The following FHIP1B variants were observed in gnomAD, a reference collection of about 807,000 sequenced individuals.
FHIP1B encodes FHF complex subunit HOOK interacting protein 1B, also known as FHF complex subunit HOOK-interacting protein 1B.
FHIP1B carries 28 observed loss-of-function variants against 82.2 expected under a neutral mutation model. The ratio of observed to expected loss-of-function variants is 0.34; its 90% CI spans 0.25 to 0.47. The LOEUF (loss-of-function observed/expected upper bound fraction) is 0.47. Ranked by LOEUF, FHIP1B falls within the 20% of genes least tolerant of loss-of-function variation. FHIP1B has a pLI of 1.00. For missense variants in FHIP1B, 1,110 were observed against 1,262.6 expected, an observed-to-expected ratio of 0.88 and a Z score of 1.83; for synonymous variants, 585 against 516.1, an observed-to-expected ratio of 1.13 and a Z score of -1.81.
rs751226810 is a variant in FHIP1B at position 6,224,144 on chromosome 11, T to G, written c.243A>C (p.Ala81=). ...GGGCCGAGGGAACTGCACGGTCCTC[T>G]GCCAGCAGTGTCAACATCTGGTAAG... The part of the protein sequence containing the change: ...NHTYQMLTLL[A]EDRAVPSAPT... Residue 81 remains alanine (A), a synonymous_variant, in exon 3 of 12, where the codon GCA becomes GCC. Transcript: ENST00000449352. The G allele has an allele frequency of 6.2e-7, 1 of 1,613,900 alleles. No individual in the cohort carries two copies. The highest frequency in any genetic ancestry group is 1.3e-5 in the African/African-American group (1 of 74,892).
At position 6,214,378 on chromosome 11, in the gene FHIP1B, G is replaced by A. The variant is rs764347392; in HGVS notation, c.2557+33C>T. 5 of 1,570,754 alleles carry A rather than the reference G, an allele frequency of 3.2e-6. No individual in the cohort carries two copies. In the Admixed American group the frequency reaches 5.5e-5, roughly 17 times the overall value. ...CCTGGGTTAATAGGCTATCTAGGGA[G>A]GGCAGGTACGGGTGTGGTGGGATAG... On this transcript the variant is annotated intron_variant, in intron 11 of 11. Transcript: ENST00000449352.
chr11:6,233,931 T>G (rs771844921), intron 1 of FHIP1B, among the ~76,000 whole-genome samples: 2 of 152,168 alleles, frequency 1.3e-5, no homozygotes, highest in African/African-American at 2.4e-5. Context: ...AAATATGACT[T>G]TCATTACCAT....
chr11:6,232,622 T>C (rs1429720709), intron 1 of FHIP1B, among the ~76,000 whole-genome samples: 2 of 152,224 alleles, frequency 1.3e-5, no homozygotes, highest in Non-Finnish European at 2.9e-5. Context: ...CCTGTCTTTG[T>C]CTACAAGGTA....
At chr11:6,214,615 C>T (rs1267644462) in intron 10 of FHIP1B, 42 bp from the exon 11 acceptor site, 1 of 1,581,234 alleles carries the variant, frequency 6.3e-7, no homozygotes, top group South Asian at 1.2e-5. Flanking sequence ...CAGCTCTAGA[C>T]TGATACAGTC....
At chr11:6,230,800 G>A (rs1316297966) in intron 1 of FHIP1B, among the ~76,000 whole-genome samples, 1 of 152,248 alleles carries the variant, frequency 6.6e-6, no homozygotes, top group Non-Finnish European at 1.5e-5. Flanking sequence ...GGGCAGAGAA[G>A]AAAAGGCATT....
Position 6,217,380 on chromosome 11 carries a change from G to A in FHIP1B, c.2206C>T (p.Pro736Ser), listed in dbSNP as rs1223838983. Reference protein sequence around the residue: ...LRTLNQLPSQPFTGPFMAVLF... With the variant: ...LRTLNQLPSQSFTGPFMAVLF... ...AGGCTAAGTAGCTTACCAGTGAAGG[G>A]CTGGCTTGGCAGCTGGTTGAGAGTC... Residue 736 changes from proline (P) to serine (S), a missense_variant, in exon 9 of 12, where the codon CCC becomes TCC. Around this residue, in one of 6 missense-constraint regions of FHIP1B, gnomAD observed 418 missense variants for 371.4 expected, o/e 1.13. Coordinates refer to ENST00000449352, the MANE Select transcript of FHIP1B (RefSeq NM_001098794.2). The A allele has an allele frequency of 6.2e-7, 1 of 1,613,858 alleles. No individual in the cohort carries two copies. Among genetic ancestry groups the A allele is most frequent in the Non-Finnish European group, 8.5e-7 (1 of 1,179,940 alleles).
chr11:6,231,575 A>G (rs549899593), intron 1 of FHIP1B, among the ~76,000 whole-genome samples: 1 of 151,156 alleles, frequency 6.6e-6, no homozygotes, highest in East Asian at 1.9e-4. Context: ...GGCTCAAGCA[A>G]TCCTCCCACC....
chr11:6,217,315 A>T, intron 9 of FHIP1B, 56 bp downstream of exon 9: 2 of 1,522,050 alleles, frequency 1.3e-6, no homozygotes, highest in Non-Finnish European at 1.8e-6. Context: ...CAGCACAAAC[A>T]TGTCGAGAAC....
chr11:6,214,966 C>A, intron 9 of FHIP1B, 55 bp from the exon 10 acceptor site: 1 of 1,437,708 alleles, frequency 7.0e-7, no homozygotes, highest in Non-Finnish European at 9.2e-7. Flanking sequence ...CAATGCACAT[C>A]GCACGCATTC....
In FHIP1B at chr11:6,223,713, G is replaced by A. The variant is rs1298102841; in HGVS notation, c.674C>T (p.Thr225Ile). ...RLVPFVHREG[T>I]LGQQARDALL... ...GGCATCACGGGCCTGCTGGCCCAGG[G>A]TGCCCTCTCGATGCACAAAAGGGAC... is the stretch of plus-strand genomic sequence containing the variant. Residue 225 changes from threonine to isoleucine, a missense_variant, in exon 3 of 12, where the codon ACC becomes ATC. Coordinates refer to ENST00000449352, the MANE Select transcript of FHIP1B (RefSeq NM_001098794.2). This position sits in a 1 kb window ranked among gnomAD's most constrained non-coding sequence, Gnocchi z 4.8. 6 of 1,614,248 alleles carry A rather than the reference G, an allele frequency of 3.7e-6. No individual in the cohort carries two copies. The highest frequency in any genetic ancestry group is 3.4e-6 in the Non-Finnish European group (4 of 1,180,028).
chr11:6,224,878 C>T (rs1283606653), intron 1 of FHIP1B, among the ~76,000 whole-genome samples, 171 bp from the exon 2 acceptor site: 1 of 152,194 alleles, frequency 6.6e-6, no homozygotes, highest in Admixed American at 6.5e-5. Context: ...AAACCTGTTA[C>T]TCCTTCAACT....
intron 1 of FHIP1B, among the ~76,000 whole-genome samples, chr11:6,231,675 T>C (rs1847703998): frequency 6.6e-6 from 1 of 151,822 alleles, no homozygotes. Context: ...TTTATTGTCG[T>C]TGTTGTTGTT....
In FHIP1B at chr11:6,211,752, A is replaced by C; in HGVS notation, c.2673T>G (p.Leu891=). 1 of 1,614,214 alleles carries C rather than the reference A, an allele frequency of 6.2e-7. No homozygotes were observed. Among genetic ancestry groups the C allele is most frequent in the Non-Finnish European group, 8.5e-7 (1 of 1,180,030 alleles). ...VLQPGRDGAG[L]GLSGGSPGAS... is the part of the protein sequence containing the mutation. ...CCCCAGGGGAGCCCCCACTTAGGCC[A>C]AGTCCTGCTCCGTCTCGCCCAGGCT... The change falls in exon 12 of 12, where the codon CTT becomes CTG. Residue 891 remains leucine (L), a synonymous_variant. Transcript: ENST00000449352.
Position 6,224,256 on chromosome 11 carries a change from A to T in FHIP1B, c.139-8T>A, listed in dbSNP as rs1377547307. 6.2e-7 allele frequency: 1 copy of T among 1,612,016 alleles called. No homozygotes were observed. Among genetic ancestry groups the T allele is most frequent in the Admixed American group, 1.7e-5 (1 of 59,874 alleles). ...CTCCAGGATTCGCACCACCTAGGGAAAAAGGACAGAAGATGGAAGGAATCT... is the reference window on the plus strand; with the variant it reads ...CTCCAGGATTCGCACCACCTAGGGATAAAGGACAGAAGATGGAAGGAATCT... On this transcript the variant is annotated splice_region_variant and splice_polypyrimidine_tract_variant and intron_variant, in intron 2 of 11. Transcript: ENST00000449352.
chr11:6,231,572 G>A (rs1805345696), intron 1 of FHIP1B, among the ~76,000 whole-genome samples: 1 of 149,614 alleles, frequency 6.7e-6, no homozygotes, highest in South Asian at 2.1e-4. Context: ...CCAGGCTCAA[G>A]CAATCCTCCC....
chr11:6,231,624 C>T (rs1195921818), intron 1 of FHIP1B, among the ~76,000 whole-genome samples: 1 of 151,912 alleles, frequency 6.6e-6, no homozygotes, highest in African/African-American at 2.4e-5. Context: ...GTATGTGCAA[C>T]CACACCTGGC....
intron 1 of FHIP1B, among the ~76,000 whole-genome samples, chr11:6,227,586 A>G (rs1025067651): frequency 6.6e-6 from 1 of 152,242 alleles, no homozygotes; most frequent in East Asian, 1.9e-4. Flanking sequence ...CAGGATATTC[A>G]TGATGTCCAG....
At chr11:6,232,275 C>A (rs767063681) in intron 1 of FHIP1B, among the ~76,000 whole-genome samples, 6 of 152,192 alleles carry the variant, frequency 3.9e-5, no homozygotes, top group South Asian at 2.1e-4. Context: ...TAAGAACCAT[C>A]TAATATTTGA....
chr11:6,216,600 G>C (rs1301232285), intron 9 of FHIP1B: 1 of 156,718 alleles, frequency 6.4e-6, no homozygotes, highest in African/African-American at 2.4e-5. Flanking sequence ...TAGAATGGCG[G>C]GGTAAGCTGG....
Sources: allele counts gnomAD v4.1 joint callset (sites outside exome capture counted in the v4.1 genomes callset), GRCh38; gene constraint gnomAD v4.1.1; regional missense constraint gnomAD v4.1.1; non-coding constraint Gnocchi (gnomAD v3.1); transcripts MANE v1.5; gene names NCBI Gene and HGNC (gene_info 2026-07-23, HGNC 2026-07-21).